Variants in LCLAT1 observed in about 807,000 individuals in gnomAD.
LCLAT1 encodes 1-AGP acyltransferase 8.
In LCLAT1, 11 loss-of-function variants were observed where a neutral mutation model predicts 30.7. The ratio of observed to expected loss-of-function variants is 0.36; its 90% CI spans 0.23 to 0.59. The LOEUF is 0.59. Among genes scored for constraint, LCLAT1 ranks in the 20% least tolerant of loss-of-function variants. The probability of loss-of-function intolerance (pLI) is 0.77; values close to 1 mark genes in which losing one functional copy is unlikely to be tolerated. For missense variants in LCLAT1, 402 were observed against 458.6 expected, an observed-to-expected ratio of 0.88 and a Z score of 1.13; for synonymous variants, 155 against 151.3, an observed-to-expected ratio of 1.02 and a Z score of -0.18.
chr2:30,485,113 A>T (rs550031583), intron 1 of LCLAT1, among the ~76,000 whole-genome samples: 4 of 152,310 alleles, frequency 2.6e-5, no homozygotes, highest in Middle Eastern at 3.4e-3. Context: ...ACCAGTGAAT[A>T]ATTGCATATT....
chr2:30,611,770 C>T (rs912811946), intron 5 of LCLAT1, among the ~76,000 whole-genome samples: 3 of 152,122 alleles, frequency 2.0e-5, no homozygotes, highest in African/African-American at 4.8e-5. Flanking sequence ...GTTCATGAAC[C>T]GCTTAGCAGA....
chr2:30,507,944 C>G (rs7599795), intron 1 of LCLAT1, among the ~76,000 whole-genome samples: 1,594 of 152,256 alleles, frequency 0.01, 27 homozygotes, highest in African/African-American at 0.036. Flanking sequence ...TCTGCAACCT[C>G]GTCAGCACCT....
intron 1 of LCLAT1, among the ~76,000 whole-genome samples, chr2:30,454,121 A>G (rs532059326): frequency 6.6e-6 from 1 of 152,212 alleles, no homozygotes; most frequent in Non-Finnish European, 1.5e-5. Flanking sequence ...ATTACAAGTT[A>G]TGTCCAAAGT....
intron 1 of LCLAT1, among the ~76,000 whole-genome samples, chr2:30,482,752 C>G (rs1314213404): frequency 6.7e-6 from 1 of 150,028 alleles, no homozygotes; most frequent in Non-Finnish European, 1.5e-5. Context: ...GCAGCCTGGT[C>G]AACATTGTGA....
chr2:30,505,393 G>T, intron 1 of LCLAT1, among the ~76,000 whole-genome samples: 1 of 141,850 alleles, frequency 7.0e-6, no homozygotes, highest in Admixed American at 7.1e-5. Flanking sequence ...GTTTTAATTT[G>T]CATTTTCTTG....
At chr2:30,453,471 G>A (rs1232080029) in intron 1 of LCLAT1, among the ~76,000 whole-genome samples, 2 of 152,064 alleles carry the variant, frequency 1.3e-5, no homozygotes, top group African/African-American at 4.8e-5. Flanking sequence ...ATTTTTTTCT[G>A]TTTGTGTAGC....
intron 3 of LCLAT1, among the ~76,000 whole-genome samples, chr2:30,533,728 A>G (rs908016417): frequency 1.1e-4 from 16 of 152,236 alleles, no homozygotes; most frequent in African/African-American, 3.1e-4. Flanking sequence ...CGAAGCATTC[A>G]TTATGCTAGG....
At chr2:30,606,279 A>G in intron 5 of LCLAT1, 1 of 313,994 alleles carries the variant, frequency 3.2e-6, no homozygotes. Context: ...CATATAGCCA[A>G]GACAATCTTA....
At chr2:30,469,937 G>C (rs1682690654) in intron 1 of LCLAT1, among the ~76,000 whole-genome samples, 1 of 152,074 alleles carries the variant, frequency 6.6e-6, no homozygotes, top group African/African-American at 2.4e-5. Context: ...CGCTGTGTTG[G>C]CCAAGCTAGT....
At chr2:30,528,997 A>G (rs1248277825) in intron 2 of LCLAT1, among the ~76,000 whole-genome samples, 2 of 152,300 alleles carry the variant, frequency 1.3e-5, no homozygotes, top group East Asian at 3.9e-4. Flanking sequence ...ATACTCGTAC[A>G]AGGAGCTAAA....
At chr2:30,550,929 C>G (rs977364729) in intron 3 of LCLAT1, among the ~76,000 whole-genome samples, 4 of 151,952 alleles carry the variant, frequency 2.6e-5, no homozygotes, top group Middle Eastern at 6.3e-3. Flanking sequence ...AGATTATAAT[C>G]TGGTACTATC....
At chr2:30,578,677 G>T (rs1028492548) in intron 5 of LCLAT1, among the ~76,000 whole-genome samples, 1 of 152,068 alleles carries the variant, frequency 6.6e-6, no homozygotes, top group African/African-American at 2.4e-5. Flanking sequence ...TTTGCGGACT[G>T]ATCTTAGATG....
At chr2:30,498,107 G>A (rs946651710) in intron 1 of LCLAT1, among the ~76,000 whole-genome samples, 1 of 152,168 alleles carries the variant, frequency 6.6e-6, no homozygotes, top group African/African-American at 2.4e-5. Context: ...CCAAGGGTGA[G>A]GTTGGAGCAA....
intron 1 of LCLAT1, among the ~76,000 whole-genome samples, chr2:30,492,969 A>G (rs1365866532): frequency 6.6e-6 from 1 of 152,146 alleles, no homozygotes; most frequent in Non-Finnish European, 1.5e-5. Flanking sequence ...GCTCTGGCTT[A>G]TTTTGGCACC....
At chr2:30,549,760 G>C (rs1055217282) in intron 3 of LCLAT1, among the ~76,000 whole-genome samples, 73 of 152,140 alleles carry the variant, frequency 4.8e-4, no homozygotes, top group African/African-American at 1.7e-3. Flanking sequence ...AACATTGTAA[G>C]ACCTGGGGGA....
Position 30,556,742 on chromosome 2 carries a change from CTT to C in LCLAT1, c.365-5385_365-5384del, listed in dbSNP as rs35188565. Among the ~76,000 whole-genome samples the C allele has an allele frequency of 6.7e-3, 773 of 114,680 alleles. 4 individuals carry two copies. Among genetic ancestry groups the C allele is most frequent in the African/African-American group, 0.018 (525 of 29,358 alleles). The allele number at this position is 114,680 out of a possible 152,430, so 75.2% of individuals were successfully genotyped here. A position where few individuals can be genotyped will look rare whatever the true frequency, so the allele number is the denominator to read the frequency against. ...AACAGAAATAGAGTATTTAGAAAGT[CTT>C]TTTTTTTTTTTTTTTTTTGAGACGG... On this transcript the variant is annotated intron_variant, in intron 3 of 5. Coordinates refer to ENST00000379509, the MANE Select transcript of LCLAT1 (RefSeq NM_001002257.3).
chr2:30,526,661 A>T (rs1402648727), intron 2 of LCLAT1, among the ~76,000 whole-genome samples: 1 of 152,126 alleles, frequency 6.6e-6, no homozygotes, highest in East Asian at 1.9e-4. Context: ...AGTTGGCAGG[A>T]TCTCTTAATG....
chr2:30,620,814 T>G (rs1034080984), intron 5 of LCLAT1, among the ~76,000 whole-genome samples: 1 of 152,236 alleles, frequency 6.6e-6, no homozygotes, highest in South Asian at 2.1e-4. Context: ...GACTAGAAAT[T>G]CAAAATTAAG....
In LCLAT1 at chr2:30,511,512, A is replaced by T. The variant is rs148888884; in HGVS notation, c.-4-14075A>T. ...TTTCAGATGCTCAATAGCTACATGT[A>T]GCTAATGGCTGCAGTTTTGGACAGC... is the stretch of plus-strand genomic sequence containing the variant. On this transcript the variant is annotated intron_variant, in intron 1 of 5. Coordinates refer to ENST00000379509, the MANE Select transcript of LCLAT1 (RefSeq NM_001002257.3). 1.4e-3 allele frequency among the ~76,000 whole-genome samples: 218 copies of T among 152,370 alleles called. 1 individual carries two copies. Among genetic ancestry groups the T allele is most frequent in the Non-Finnish European group, 2.5e-3 (168 of 68,030 alleles).
Sources: allele counts gnomAD v4.1 joint callset (sites outside exome capture counted in the v4.1 genomes callset), GRCh38; gene constraint gnomAD v4.1.1; transcripts MANE v1.5; gene names NCBI Gene and HGNC (gene_info 2026-07-23, HGNC 2026-07-21).